Variants in DGKI observed in about 807,000 individuals in gnomAD.
The protein encoded by DGKI is diacylglycerol kinase iota, also known as DAG kinase iota.
A neutral mutation model predicts 147.5 loss-of-function variants in DGKI; 55 were observed. The observed-to-expected ratio is 0.37, with a 90% CI of 0.30 to 0.47. The LOEUF (loss-of-function observed/expected upper bound fraction) is 0.47, where lower values mean the gene tolerates loss of function less well. DGKI is among the 20% of genes least tolerant of loss of function. The pLI is 1.00. For synonymous variants in DGKI, 469 were observed against 477.1 expected (o/e 0.98, Z 0.22); for missense variants, 1,007 against 1,323.8 (o/e 0.76, Z 3.71).
intron 8 of DGKI, among the ~76,000 whole-genome samples, chr7:137,613,968 A>G (rs2128994597): frequency 6.6e-6 from 1 of 152,310 alleles, no homozygotes; most frequent in Non-Finnish European, 1.5e-5. Flanking sequence ...ATATCATAGG[A>G]AGAGACAGCG....
At chr7:137,756,127 C>G (rs780399072) in intron 1 of DGKI, among the ~76,000 whole-genome samples, 4 of 152,210 alleles carry the variant, frequency 2.6e-5, no homozygotes, top group Non-Finnish European at 4.4e-5. Context: ...ACATACATCA[C>G]CAATAAACCT....
intron 6 of DGKI, among the ~76,000 whole-genome samples, chr7:137,633,275 G>A (rs533348152): frequency 1.3e-5 from 2 of 150,908 alleles, no homozygotes; most frequent in South Asian, 4.2e-4. Context: ...AGAGTCTACT[G>A]GTTCCACAAA....
chr7:137,538,213 C>T (rs1218335805), intron 20 of DGKI, among the ~76,000 whole-genome samples: 1 of 152,144 alleles, frequency 6.6e-6, no homozygotes, highest in African/African-American at 2.4e-5. Context: ...TTTGCTCTGT[C>T]TTGGTAGTTT....
intron 1 of DGKI, among the ~76,000 whole-genome samples, chr7:137,703,413 A>C (rs1158986242): frequency 6.6e-6 from 1 of 152,202 alleles, no homozygotes; most frequent in Admixed American, 6.5e-5. Context: ...GCTCAGGAAA[A>C]ATCTGAGAAG....
At chr7:137,759,557 G>T (rs1352840569) in intron 1 of DGKI, among the ~76,000 whole-genome samples, 1 of 151,988 alleles carries the variant, frequency 6.6e-6, no homozygotes, top group Non-Finnish European at 1.5e-5. Flanking sequence ...GGCCAGGCTC[G>T]TCTCGAACTC....
At chr7:137,393,016 G>A (rs1376528397) in intron 32 of DGKI, among the ~76,000 whole-genome samples, 2 of 152,096 alleles carry the variant, frequency 1.3e-5, no homozygotes, top group African/African-American at 2.4e-5. Flanking sequence ...AAAGTTATAC[G>A]ATATCATGTA....
intron 20 of DGKI, among the ~76,000 whole-genome samples, chr7:137,531,751 T>C (rs1817344752): frequency 1.3e-5 from 2 of 152,226 alleles, no homozygotes; most frequent in African/African-American, 2.4e-5. Context: ...AAATTCACTT[T>C]CGTTGCTAAA....
intron 2 of DGKI, among the ~76,000 whole-genome samples, chr7:137,679,930 G>T (rs900449860): frequency 2.1e-5 from 3 of 146,240 alleles, no homozygotes; most frequent in Non-Finnish European, 3.0e-5. Context: ...GGTGGAGGCT[G>T]CAGTGAGCCA....
chr7:137,720,722 A>G (rs1794529896), intron 1 of DGKI, among the ~76,000 whole-genome samples: 1 of 152,166 alleles, frequency 6.6e-6, no homozygotes, highest in Non-Finnish European at 1.5e-5. Context: ...TTCAATGGAA[A>G]GGTAATTATA....
intron 24 of DGKI, among the ~76,000 whole-genome samples, chr7:137,468,220 A>G (rs570108548): frequency 9.2e-4 from 140 of 152,312 alleles, no homozygotes; most frequent in Middle Eastern, 3.4e-3. Context: ...CTAAAACCTA[A>G]GAATAGAATA....
intron 1 of DGKI, among the ~76,000 whole-genome samples, chr7:137,811,257 T>C (rs1161840148): frequency 6.6e-6 from 1 of 152,076 alleles, no homozygotes; most frequent in Non-Finnish European, 1.5e-5. Context: ...GGAAGAGTTA[T>C]GGGGTTTTCA....
At chr7:137,757,628 C>G (rs1795729696) in intron 1 of DGKI, among the ~76,000 whole-genome samples, 1 of 152,180 alleles carries the variant, frequency 6.6e-6, no homozygotes, top group African/African-American at 2.4e-5. Flanking sequence ...ATCTGACCCT[C>G]AACACCTGTC....
At chr7:137,419,055 G>C (rs1812462537) in intron 28 of DGKI, among the ~76,000 whole-genome samples, 1 of 152,180 alleles carries the variant, frequency 6.6e-6, no homozygotes, top group African/African-American at 2.4e-5. Context: ...ATCCAGCTGA[G>C]AGACAAAGGA....
rs182466461 is a variant in DGKI, at chr7:137,706,665, C to T, written c.402-16663G>A. 2.3e-4 allele frequency among the ~76,000 whole-genome samples: 35 copies of T among 151,704 alleles called. No individual in the cohort carries two copies. In the South Asian group the frequency reaches 4.4e-3, roughly 19 times the overall value. ...TTGGATCACTGCAACCTCCGCCTCC[C>T]GGGTTCAAGCGATTCTTCTGCCTCA... On this transcript the variant is annotated intron_variant, in intron 1 of 32. Coordinates refer to ENST00000614521, the MANE Select transcript of DGKI (RefSeq NM_001321708.2).
At chr7:137,793,307 GT>G (rs754496481) in intron 1 of DGKI, among the ~76,000 whole-genome samples, 15 of 143,892 alleles carry the variant, frequency 1.0e-4, no homozygotes, top group Non-Finnish European at 1.1e-4. Context: ...CCTTTTTTTT[GT>G]TTTTTTTTTT....
chr7:137,509,153 T>C (rs574745775), intron 21 of DGKI, among the ~76,000 whole-genome samples: 1 of 152,288 alleles, frequency 6.6e-6, no homozygotes, highest in Non-Finnish European at 1.5e-5. Flanking sequence ...ATACAATGGG[T>C]TGGCAATTGA....
At chr7:137,696,431 CTTTTTTTTTTTTTTTTTTTT>C (rs10609322) in intron 1 of DGKI, among the ~76,000 whole-genome samples, 26 of 36,682 alleles carry the variant, frequency 7.1e-4, no homozygotes, top group Admixed American at 7.4e-4. Flanking sequence ...GCCCAAAAGA[CTTTTTTTTTTTTTTTTTTTT>C]TTTTTTTTTT....
intron 21 of DGKI, among the ~76,000 whole-genome samples, chr7:137,493,106 T>C (rs1815830099): frequency 6.6e-6 from 1 of 152,184 alleles, no homozygotes; most frequent in South Asian, 2.1e-4. Context: ...ACTGTGCCAC[T>C]GCTGCCAGCA....
chr7:137,824,852 C>A (rs1798010027), intron 1 of DGKI, among the ~76,000 whole-genome samples: 1 of 152,140 alleles, frequency 6.6e-6, no homozygotes, highest in Non-Finnish European at 1.5e-5. Context: ...GGATAATGGC[C>A]TCCAGCTTCA....
Sources: gnomAD v4.1 joint callset for allele counts (sites outside exome capture counted in the v4.1 genomes callset) on GRCh38, gnomAD v4.1.1 for gene constraint, MANE v1.5 for transcripts, NCBI Gene and HGNC (gene_info 2026-07-23, HGNC 2026-07-21) for gene names.